TMEM65: variants seen among roughly 807,000 people sequenced by gnomAD.
TMEM65 encodes transmembrane protein 65.
In TMEM65, 22 loss-of-function variants were observed where a neutral mutation model predicts 25.4. That is an observed-to-expected ratio of 0.86 (90% confidence interval 0.62 to 1.23). The LOEUF is 1.23. Among genes scored for constraint, TMEM65 ranks in the 50% most tolerant of loss-of-function variants. TMEM65 has a pLI of 0.00. For synonymous variants in TMEM65, 132 were observed against 126.2 expected (o/e 1.05, Z -0.31); for missense variants, 262 against 308.2 (o/e 0.85, Z 1.12).
Position 124,310,656 on chromosome 8 carries a change from A to C in TMEM65, c.*3304T>G, listed in dbSNP as rs1262794475. The stretch of plus-strand genomic sequence containing the variant: ...ATAAAGGACCAAATAAGTGTTTAAT[A>C]AAAGGGAACTATTATTATTACTACT... On this transcript the variant is annotated 3_prime_UTR_variant, in exon 7 of 7. Coordinates refer to ENST00000297632, the MANE Select transcript of TMEM65 (RefSeq NM_194291.3). 6.6e-6 allele frequency: 1 copy of C among 152,164 alleles called. No homozygotes were observed. Among genetic ancestry groups the C allele is most frequent in the Non-Finnish European group, 1.5e-5 (1 of 68,026 alleles). The allele number at this position is 152,164 out of a possible 1,614,324, so 9.4% of individuals were successfully genotyped here.
Position 124,371,900 on chromosome 8 carries a change from G to T in TMEM65, c.258C>A (p.Cys86Ter). Residue 86 changes from cysteine (C) to a stop codon, truncating the protein, a stop_gained, in exon 1 of 7, where the codon TGC (cysteine) becomes TGA (stop). Coordinates refer to ENST00000297632, the MANE Select transcript of TMEM65 (RefSeq NM_194291.3). LOFTEE classifies it high-confidence loss of function. ...IYSLHSTERS[C>*]LLKELHRFES... is the part of the protein sequence containing the mutation. The stretch of plus-strand genomic sequence containing the variant: ...CGAAGCGGTGCAGCTCTTTGAGCAG[G>T]CAGCTCCTCTCCGTGGAGTGCAGGC... 1 of 1,550,680 alleles carries T rather than the reference G, an allele frequency of 6.4e-7. No individual in the cohort carries two copies. The highest frequency in any genetic ancestry group is 8.7e-7 in the Non-Finnish European group (1 of 1,152,946).
Position 124,313,152 on chromosome 8 carries a change from C to T in TMEM65, c.*808G>A, listed in dbSNP as rs931181097. ...ATCATGTTAAATCCCTTAGTTCAATCTAATTCCACAATCCCCATTTCAAAG... is the reference window on the plus strand; with the variant it reads ...ATCATGTTAAATCCCTTAGTTCAATTTAATTCCACAATCCCCATTTCAAAG... On this transcript the variant is annotated 3_prime_UTR_variant, in exon 7 of 7. Coordinates refer to ENST00000297632, the MANE Select transcript of TMEM65 (RefSeq NM_194291.3). The T allele has an allele frequency of 6.6e-6, 1 of 151,858 alleles. No homozygotes were observed. The highest frequency in any genetic ancestry group is 2.4e-5 in the African/African-American group (1 of 41,394). 9.4% of individuals were successfully genotyped at this position (151,858 alleles called of 1,614,324 possible). A position where few individuals can be genotyped will look rare whatever the true frequency, so the allele number is the denominator to read the frequency against.
chr8:124,339,970 G>C (rs1434476877), intron 1 of TMEM65, among the ~76,000 whole-genome samples: 1 of 152,024 alleles, frequency 6.6e-6, no homozygotes, highest in Non-Finnish European at 1.5e-5. Flanking sequence ...TATCAGAAAA[G>C]AAAGGATCCC....
chr8:124,324,045 C>G (rs933294863), intron 3 of TMEM65, among the ~76,000 whole-genome samples: 22 of 152,018 alleles, frequency 1.4e-4, no homozygotes, highest in Non-Finnish European at 2.6e-4. Context: ...AGAGGAGGAA[C>G]TGAAGTGAAG....
chr8:124,354,803 G>A (rs1443211441), intron 1 of TMEM65, among the ~76,000 whole-genome samples: 1 of 152,146 alleles, frequency 6.6e-6, no homozygotes, highest in Non-Finnish European at 1.5e-5. Context: ...CTACTTGCAT[G>A]TTAACCTTTG....
intron 1 of TMEM65, among the ~76,000 whole-genome samples, chr8:124,353,998 T>C (rs542460232): frequency 6.6e-6 from 1 of 152,240 alleles, no homozygotes; most frequent in Admixed American, 6.5e-5. Flanking sequence ...CAAATTGAAA[T>C]CATGGGCCAA....
At chr8:124,364,090 G>A (rs1814908806) in intron 1 of TMEM65, among the ~76,000 whole-genome samples, 1 of 152,090 alleles carries the variant, frequency 6.6e-6, no homozygotes, top group Non-Finnish European at 1.5e-5. Context: ...TAATGTGATA[G>A]ATGCAACTAG....
intron 1 of TMEM65, among the ~76,000 whole-genome samples, chr8:124,340,757 G>A (rs1814574824): frequency 6.6e-6 from 1 of 152,106 alleles, no homozygotes; most frequent in Non-Finnish European, 1.5e-5. Context: ...ATACCAGAAG[G>A]TTTTAACATT....
intron 3 of TMEM65, 91 bp from the exon 4 acceptor site, chr8:124,323,466 A>T: frequency 1.6e-6 from 1 of 644,814 alleles, no homozygotes; most frequent in Non-Finnish European, 2.6e-6. Flanking sequence ...ATACAAGTTA[A>T]ATCAACATGT....
intron 6 of TMEM65, among the ~76,000 whole-genome samples, chr8:124,314,855 T>G (rs961747264): frequency 6.6e-6 from 1 of 151,826 alleles, no homozygotes; most frequent in African/African-American, 2.4e-5. Flanking sequence ...TTTTTTTTTT[T>G]GTAGAGCCAG....
In TMEM65 at chr8:124,327,418, A is replaced by G. The variant is rs748675552; in HGVS notation, c.353T>C (p.Phe118Ser). Residue 118 changes from phenylalanine (F) to serine (S), a missense_variant, in exon 3 of 7, where the codon TTC (phenylalanine) becomes TCC (serine). Physicochemically the swap from Phe to Ser is radical, Grantham distance 155. Transcript: ENST00000297632. Reference sequence around the variant, plus strand: ...TATGAAAGGTATCGCATTGTGGATGAATACTGAAAAACATCAAAAACAGAA... The same window carrying G: ...TATGAAAGGTATCGCATTGTGGATGGATACTGAAAAACATCAAAAACAGAA... The part of the protein sequence containing the change: ...PPTPGQLRYV[F>S]IHNAIPFIGF... 2.5e-6 allele frequency: 4 copies of G among 1,585,700 alleles called. No individual in the cohort carries two copies.
Position 124,372,215 on chromosome 8 carries a change from C to T in TMEM65, c.-58G>A. On this transcript the variant is annotated 5_prime_UTR_variant, in exon 1 of 7. Coordinates refer to ENST00000297632, the MANE Select transcript of TMEM65 (RefSeq NM_194291.3). ...TCCGGCAAGGCGGTTTCTGGCGCGG[C>T]TGAGGCGAGAAGGAGCTGGGCTCAG... is the stretch of plus-strand genomic sequence containing the variant. 2 of 1,231,856 alleles carry T rather than the reference C, an allele frequency of 1.6e-6. No individual in the cohort carries two copies. Among genetic ancestry groups the T allele is most frequent in the Non-Finnish European group, 2.0e-6 (2 of 979,174 alleles). 76.3% of individuals were successfully genotyped at this position (1,231,856 alleles called of 1,614,324 possible).
At chr8:124,353,842 G>T (rs1166912403) in intron 1 of TMEM65, among the ~76,000 whole-genome samples, 1 of 152,132 alleles carries the variant, frequency 6.6e-6, no homozygotes, top group Non-Finnish European at 1.5e-5. Flanking sequence ...GATATAAATT[G>T]CTAAAATGAA....
At chr8:124,369,834 A>G (rs541753493) in intron 1 of TMEM65, among the ~76,000 whole-genome samples, 23 of 152,334 alleles carry the variant, frequency 1.5e-4, no homozygotes, top group African/African-American at 5.5e-4. Context: ...TACACTAACA[A>G]AGCAGCAGCA....
At position 124,311,325 on chromosome 8, in the gene TMEM65, G is replaced by A. The variant is rs1408054744; in HGVS notation, c.*2635C>T. ...ATTAATCCTGTTTGCTTTAGTAACA[G>A]AATATACCAAGGCCCTCTGAGATTA... On this transcript the variant is annotated 3_prime_UTR_variant, in exon 7 of 7. Transcript: ENST00000297632. The A allele has an allele frequency of 6.5e-6, 1 of 152,680 alleles. No homozygotes were observed. Among genetic ancestry groups the A allele is most frequent in the Non-Finnish European group, 1.5e-5 (1 of 68,024 alleles). The allele number at this position is 152,680 out of a possible 1,614,324, so 9.5% of individuals were successfully genotyped here.
Position 124,323,393 on chromosome 8 carries a change from A to G in TMEM65, c.418-18T>C. 1 of 1,391,080 alleles carries G rather than the reference A, an allele frequency of 7.2e-7. No homozygotes were observed. The highest frequency in any genetic ancestry group is 1.5e-5 in the African/African-American group (1 of 68,612). 86.2% of individuals were successfully genotyped at this position (1,391,080 alleles called of 1,614,324 possible). ...TGGGTTCCCTGAAATATGATAAAAAATTAATCTTAAAAATTAAAGCTGAAG... is the reference window on the plus strand; with the variant it reads ...TGGGTTCCCTGAAATATGATAAAAAGTTAATCTTAAAAATTAAAGCTGAAG... On this transcript the variant is annotated intron_variant, in intron 3 of 6. Transcript: ENST00000297632.
At chr8:124,318,119 G>T (rs1383324125) in intron 6 of TMEM65, among the ~76,000 whole-genome samples, 1 of 152,102 alleles carries the variant, frequency 6.6e-6, no homozygotes, top group African/African-American at 2.4e-5. Context: ...GAGGCCTCCA[G>T]GACATGAGAG....
Position 124,308,337 on chromosome 8 carries a change from C to T in TMEM65, c.*5623G>A, listed in dbSNP as rs1450673350. 6.6e-6 allele frequency: 1 copy of T among 152,136 alleles called. No homozygotes were observed. Among genetic ancestry groups the T allele is most frequent in the Non-Finnish European group, 1.5e-5 (1 of 68,030 alleles). 9.4% of individuals were successfully genotyped at this position (152,136 alleles called of 1,614,324 possible). A position where few individuals can be genotyped will look rare whatever the true frequency, so the allele number is the denominator to read the frequency against. ...GTCATAAGGACCTATAGGCTCATTA[C>T]ACACAGTACTCTATGCAAAGAACCA... On this transcript the variant is annotated 3_prime_UTR_variant, in exon 7 of 7. Transcript: ENST00000297632.
chr8:124,346,830 C>T (rs927219756), intron 1 of TMEM65, among the ~76,000 whole-genome samples: 4 of 152,148 alleles, frequency 2.6e-5, no homozygotes, highest in Admixed American at 2.6e-4. Flanking sequence ...GTTTCAGCAA[C>T]AATTTGGGGA....
Sources: gnomAD v4.1 joint callset for allele counts (sites outside exome capture counted in the v4.1 genomes callset) on GRCh38, gnomAD v4.1.1 for gene constraint, MANE v1.5 for transcripts, NCBI Gene and HGNC (gene_info 2026-07-23, HGNC 2026-07-21) for gene names.